Variants in RBFOX2 observed in about 807,000 individuals in gnomAD.
RBFOX2 encodes the protein RNA binding protein fox-1 homolog 2.
RBFOX2 carries 10 observed loss-of-function variants against 49.1 expected under a neutral mutation model. The ratio of observed to expected loss-of-function variants is 0.20; its 90% CI spans 0.13 to 0.35. The LOEUF (loss-of-function observed/expected upper bound fraction) is 0.35. Among genes scored for constraint, RBFOX2 ranks in the 10% least tolerant of loss-of-function variants. The pLI is 1.00. For synonymous variants in RBFOX2, 183 were observed against 187.4 expected (o/e 0.98, Z 0.19); for missense variants, 323 against 486.9 (o/e 0.66, Z 3.17).
intron 1 of RBFOX2, among the ~76,000 whole-genome samples, chr22:35,967,241 T>A (rs186367351): frequency 6.6e-6 from 1 of 152,196 alleles, no homozygotes; most frequent in South Asian, 2.1e-4. Flanking sequence ...AAGAATATCA[T>A]GAAAACATTC....
intron 1 of RBFOX2, among the ~76,000 whole-genome samples, chr22:36,020,194 T>C (rs1008167965): frequency 2.6e-5 from 4 of 152,184 alleles, no homozygotes; most frequent in Non-Finnish European, 5.9e-5. Flanking sequence ...TGGCTAGCCA[T>C]ATGCAGAAAG....
chr22:35,999,281 T>C (rs907984665), intron 1 of RBFOX2: 2 of 150,076 alleles, frequency 1.3e-5, no homozygotes, highest in South Asian at 2.1e-4. Context: ...AAATAAGTGA[T>C]GACCTGTAAT....
At chr22:36,002,525 G>A (rs1239135056) in intron 1 of RBFOX2, among the ~76,000 whole-genome samples, 1 of 152,216 alleles carries the variant, frequency 6.6e-6, no homozygotes, top group African/African-American at 2.4e-5. Context: ...GTATACAAAC[G>A]GGGTATATAT....
At chr22:35,812,490 C>T (rs1952099340) in intron 1 of RBFOX2, among the ~76,000 whole-genome samples, 1 of 152,098 alleles carries the variant, frequency 6.6e-6, no homozygotes, top group Non-Finnish European at 1.5e-5. Flanking sequence ...TTATTCAATG[C>T]TCTATCTCTC....
chr22:35,985,913 T>C lies in RBFOX2; in HGVS notation c.186+42327A>G, dbSNP rs905029244. On this transcript the variant is annotated intron_variant, in intron 1 of 13. Transcript: ENST00000438146. Reference sequence around the variant, plus strand: ...ATAGATAGATAGATGGATAGATAGATAGATAGATAGATAGATAGATAGATA... The same window carrying C: ...ATAGATAGATAGATGGATAGATAGACAGATAGATAGATAGATAGATAGATA... 4.9e-3 allele frequency among the ~76,000 whole-genome samples: 485 copies of C among 98,464 alleles called. 3 individuals are homozygous for C. The highest frequency in any genetic ancestry group is 0.019 in the African/African-American group (468 of 24,904). 64.6% of individuals were successfully genotyped at this position (98,464 alleles called of 152,430 possible).
intron 1 of RBFOX2, among the ~76,000 whole-genome samples, chr22:35,855,315 T>G (rs562544579): frequency 1.3e-5 from 2 of 152,314 alleles, no homozygotes; most frequent in South Asian, 4.1e-4. Context: ...AGTATTAAAG[T>G]TCATGTGTCC....
chr22:35,789,769 CG>C (rs907192875), intron 2 of RBFOX2, among the ~76,000 whole-genome samples: 1 of 152,106 alleles, frequency 6.6e-6, no homozygotes, highest in African/African-American at 2.4e-5. Context: ...CTCCCTGTAA[CG>C]TGGTGGTGGT....
At chr22:35,926,763 G>A (rs1032391459) in intron 1 of RBFOX2, among the ~76,000 whole-genome samples, 4 of 152,106 alleles carry the variant, frequency 2.6e-5, no homozygotes, top group Admixed American at 6.5e-5. Context: ...TTTAGGAGGT[G>A]AGAGAACGCT....
intron 1 of RBFOX2, among the ~76,000 whole-genome samples, chr22:35,894,256 C>T (rs761669): frequency 6.6e-4 from 101 of 152,210 alleles, no homozygotes; most frequent in Middle Eastern, 6.8e-3. Flanking sequence ...TTTCTAACTA[C>T]GGGCAAGTCA....
chr22:35,867,818 C>T (rs2043865179), intron 1 of RBFOX2, among the ~76,000 whole-genome samples: 1 of 151,976 alleles, frequency 6.6e-6, no homozygotes, highest in East Asian at 1.9e-4. Flanking sequence ...ATCCTCTTAG[C>T]CAAAAACAAA....
At chr22:35,979,639 G>A (rs1463507736) in intron 1 of RBFOX2, among the ~76,000 whole-genome samples, 1 of 152,186 alleles carries the variant, frequency 6.6e-6, no homozygotes, top group Non-Finnish European at 1.5e-5. Context: ...AGAAAATCCA[G>A]GAGTTTGGGG....
intron 1 of RBFOX2, among the ~76,000 whole-genome samples, chr22:35,815,181 C>G (rs1246423359): frequency 6.6e-6 from 1 of 152,172 alleles, no homozygotes; most frequent in Non-Finnish European, 1.5e-5. Flanking sequence ...CAGAAGAAAG[C>G]ATGAACCTAA....
At chr22:35,895,036 T>C (rs990849063) in intron 1 of RBFOX2, among the ~76,000 whole-genome samples, 2 of 151,368 alleles carry the variant, frequency 1.3e-5, no homozygotes, top group African/African-American at 4.9e-5. Flanking sequence ...CTGACTGTTC[T>C]GTTGTTCTCT....
At chr22:35,779,243 GA>G (rs1465450694) in intron 3 of RBFOX2, among the ~76,000 whole-genome samples, 1 of 152,172 alleles carries the variant, frequency 6.6e-6, no homozygotes, top group Non-Finnish European at 1.5e-5. Flanking sequence ...GAAATGAATT[GA>G]AGGTATATGC....
Position 35,850,193 on chromosome 22 carries a change from T to C in RBFOX2, c.-33-40189A>G, listed in dbSNP as rs372549739. ...ATGCGCATTCTCTGTCTCTCTCTCA[T>C]ACACACACACACACACACACACACA... On this transcript the variant is annotated intron_variant, in intron 1 of 13. Transcript: ENST00000359369. Among the ~76,000 whole-genome samples, 579 of 132,576 alleles carry C rather than the reference T, an allele frequency of 4.4e-3. 1 individual carries two copies. Among genetic ancestry groups the C allele is most frequent in the Middle Eastern group, 0.019 (5 of 270 alleles). 87.0% of individuals were successfully genotyped at this position (132,576 alleles called of 152,430 possible).
Position 35,990,984 on chromosome 22 carries a change from G to A in RBFOX2, c.186+37256C>T, listed in dbSNP as rs2057954847. 2.6e-5 allele frequency among the ~76,000 whole-genome samples: 4 copies of A among 152,210 alleles called. No homozygotes were observed. The South Asian group carries it at 8.3e-4, about 32-fold the overall frequency. On this transcript the variant is annotated intron_variant, in intron 1 of 13. Transcript: ENST00000438146. Reference sequence around the variant, plus strand: ...AACACCGAAACACCCACTAAGCCAAGCATGGTGTTGCACACCTGTAGTCCC... The same window carrying A: ...AACACCGAAACACCCACTAAGCCAAACATGGTGTTGCACACCTGTAGTCCC...
chr22:36,013,386 T>C (rs1569523269), intron 1 of RBFOX2, among the ~76,000 whole-genome samples: 3 of 152,196 alleles, frequency 2.0e-5, no homozygotes. Context: ...ATAGAATACC[T>C]ACTACGTGTC....
At chr22:35,976,041 T>G (rs2150034383) in intron 1 of RBFOX2, among the ~76,000 whole-genome samples, 1 of 152,326 alleles carries the variant, frequency 6.6e-6, no homozygotes, top group African/African-American at 2.4e-5. Context: ...ACTACTGTCC[T>G]TAAAGATCTG....
intron 1 of RBFOX2, among the ~76,000 whole-genome samples, chr22:35,929,652 AT>A (rs904441440): frequency 2.0e-5 from 3 of 151,842 alleles, no homozygotes; most frequent in East Asian, 1.9e-4. Flanking sequence ...AAAAGCGACC[AT>A]TTTTTTTGTT....
Sources: gnomAD v4.1 joint callset for allele counts (sites outside exome capture counted in the v4.1 genomes callset) on GRCh38, gnomAD v4.1.1 for gene constraint, MANE v1.5 for transcripts, NCBI Gene and HGNC (gene_info 2026-07-23, HGNC 2026-07-21) for gene names.